Variants in FHOD3 observed in about 807,000 individuals in gnomAD.
FHOD3 encodes formin homology 2 domain containing 3.
In FHOD3, 90 loss-of-function variants were observed where a neutral mutation model predicts 173.0. That is an observed-to-expected ratio of 0.52 (90% CI 0.44 to 0.62). The LOEUF is 0.62. Ranked by LOEUF, FHOD3 falls within the 20% of genes least tolerant of loss-of-function variation. The pLI is 0.00. For synonymous variants in FHOD3, 828 were observed against 823.0 expected, an observed-to-expected ratio of 1.01 and a Z score of -0.10; for missense variants, 1,945 against 2,034.7, an observed-to-expected ratio of 0.96 and a Z score of 0.85.
chr18:36,697,169 A>T (rs965650460), intron 17 of FHOD3, among the ~76,000 whole-genome samples: 2 of 152,228 alleles, frequency 1.3e-5, no homozygotes, highest in Non-Finnish European at 2.9e-5. Context: ...ATCACAATTT[A>T]TGTCAGATCC....
intron 24 of FHOD3, among the ~76,000 whole-genome samples, chr18:36,747,423 C>A (rs2042202013): frequency 6.6e-6 from 1 of 152,146 alleles, no homozygotes; most frequent in South Asian, 2.1e-4. Context: ...CAAATTGAAC[C>A]CTGCATCTCT....
intron 3 of FHOD3, among the ~76,000 whole-genome samples, chr18:36,496,114 A>C (rs2054730690): frequency 6.6e-6 from 1 of 152,226 alleles, no homozygotes; most frequent in South Asian, 2.1e-4. Context: ...GATGCAACAC[A>C]AATGGAATGC....
At chr18:36,477,938 C>A (rs1320633040) in intron 3 of FHOD3, among the ~76,000 whole-genome samples, 1 of 152,166 alleles carries the variant, frequency 6.6e-6, no homozygotes, top group Non-Finnish European at 1.5e-5. Flanking sequence ...GCAGAGATGT[C>A]CTGGCCCAAC....
chr18:36,670,280 A>G (rs2037445538), intron 14 of FHOD3, among the ~76,000 whole-genome samples: 1 of 152,074 alleles, frequency 6.6e-6, no homozygotes, highest in Non-Finnish European at 1.5e-5. Context: ...AGTTTTCATC[A>G]AATTGCGAAA....
At chr18:36,585,505 G>A (rs1267348935) in intron 6 of FHOD3, among the ~76,000 whole-genome samples, 1 of 151,936 alleles carries the variant, frequency 6.6e-6, no homozygotes, top group African/African-American at 2.4e-5. Context: ...ACCTCAGAGT[G>A]AGAGAGAAGT....
At chr18:36,350,183 C>T (rs764701096) in intron 1 of FHOD3, among the ~76,000 whole-genome samples, 12 of 152,178 alleles carry the variant, frequency 7.9e-5, no homozygotes, top group Non-Finnish European at 1.6e-4. Context: ...TTCTATGTCT[C>T]CAGAGAATGA....
rs1013835585 is a variant in FHOD3, at chr18:36,720,283, G to A, written c.3417+1568G>A. ...GGCAGAGTCTTGCTCTGTCGCCCAG[G>A]ATGGAGTGCAGTGGTGTGATCTTGG... On this transcript the variant is annotated intron_variant, in intron 19 of 28. Transcript: ENST00000590592. Among the ~76,000 whole-genome samples the A allele has an allele frequency of 7.0e-4, 99 of 142,416 alleles. 2 individuals are homozygous for A. The highest frequency in any genetic ancestry group is 1.2e-4 in the Non-Finnish European group (8 of 66,900). 93.4% of individuals were successfully genotyped at this position (142,416 alleles called of 152,430 possible). A position where few individuals can be genotyped will look rare whatever the true frequency, so the allele number is the denominator to read the frequency against.
chr18:36,662,260 C>G (rs919842806), intron 14 of FHOD3, among the ~76,000 whole-genome samples: 3 of 152,166 alleles, frequency 2.0e-5, no homozygotes, highest in African/African-American at 7.2e-5. Context: ...ACAGTACGCC[C>G]AAGCCCTGGG....
At chr18:36,452,941 CTTT>C (rs1451811962) in intron 3 of FHOD3, among the ~76,000 whole-genome samples, 1 of 151,944 alleles carries the variant, frequency 6.6e-6, no homozygotes, top group Non-Finnish European at 1.5e-5. Flanking sequence ...CACTGAAGTT[CTTT>C]TGACATCTCG....
chr18:36,342,139 G>T (rs926278392), intron 1 of FHOD3, among the ~76,000 whole-genome samples: 15 of 152,162 alleles, frequency 9.9e-5, no homozygotes, highest in Admixed American at 4.6e-4. Flanking sequence ...GAGAATTAAT[G>T]ATCTGGAATA....
At chr18:36,550,584 A>G (rs528318317) in intron 5 of FHOD3, among the ~76,000 whole-genome samples, 2 of 152,140 alleles carry the variant, frequency 1.3e-5, no homozygotes, top group East Asian at 3.9e-4. Flanking sequence ...CTATGACATG[A>G]TATATCTCTA....
intron 3 of FHOD3, among the ~76,000 whole-genome samples, chr18:36,483,203 T>C (rs2054021750): frequency 6.6e-6 from 1 of 152,186 alleles, no homozygotes. Flanking sequence ...GATTCTACTT[T>C]GTAACTTAAT....
intron 3 of FHOD3, among the ~76,000 whole-genome samples, chr18:36,410,856 C>CT (rs1187084828): frequency 1.3e-5 from 2 of 151,736 alleles, no homozygotes; most frequent in African/African-American, 2.4e-5. Flanking sequence ...GGTTATTTGG[C>CT]TTTTTTTTAA....
At chr18:36,763,098 A>C (rs185526794) in intron 27 of FHOD3, among the ~76,000 whole-genome samples, 411 of 148,332 alleles carry the variant, frequency 2.8e-3, no homozygotes, top group Non-Finnish European at 5.0e-3. Flanking sequence ...TAATATGCGT[A>C]TTATACACGT....
intron 14 of FHOD3, among the ~76,000 whole-genome samples, chr18:36,660,369 TGGAAACA>T (rs200991348): frequency 0.017 from 2,518 of 152,296 alleles, 72 homozygotes; most frequent in African/African-American, 0.055. Flanking sequence ...TGTTCAAGTT[TGGAAACA>T]GGAGACAGGA....
chr18:36,594,036 G>A (rs898475142), intron 6 of FHOD3, among the ~76,000 whole-genome samples: 2 of 152,252 alleles, frequency 1.3e-5, no homozygotes, highest in African/African-American at 4.8e-5. Flanking sequence ...GGCCCCGGAG[G>A]CTGACCCAGA....
chr18:36,602,612 TGTGA>T, intron 7 of FHOD3, 58 bp from the exon 8 acceptor site: 2 of 1,201,424 alleles, frequency 1.7e-6, no homozygotes, highest in Non-Finnish European at 2.5e-6. Context: ...TAAACTGTGA[TGTGA>T]GTTAGATAAA....
At chr18:36,620,694 G>A (rs1162171743) in intron 9 of FHOD3, among the ~76,000 whole-genome samples, 1 of 152,232 alleles carries the variant, frequency 6.6e-6, no homozygotes, top group Non-Finnish European at 1.5e-5. Context: ...AAGGAAGGAT[G>A]CTATTCAGTT....
At chr18:36,474,212 A>G (rs1599281997) in intron 3 of FHOD3, among the ~76,000 whole-genome samples, 1 of 152,204 alleles carries the variant, frequency 6.6e-6, no homozygotes, top group Non-Finnish European at 1.5e-5. Context: ...ACCAGGGACA[A>G]GTAGACTCCA....
Sources: allele counts gnomAD v4.1 joint callset (sites outside exome capture counted in the v4.1 genomes callset), GRCh38; gene constraint gnomAD v4.1.1; transcripts MANE v1.5; gene names NCBI Gene and HGNC (gene_info 2026-07-23, HGNC 2026-07-21).